Variants in ATP2C2 observed in about 807,000 individuals in gnomAD.
ATP2C2 encodes the protein ATPase secretory pathway Ca2+ transporting 2.
A neutral mutation model predicts 110.8 loss-of-function variants in ATP2C2; 171 were observed. That is an observed-to-expected ratio of 1.54 (90% CI 1.36 to 1.75). The LOEUF is 1.75. Among genes scored for constraint, ATP2C2 ranks in the 40% most tolerant of loss-of-function variants. The pLI, the probability that ATP2C2 is intolerant of heterozygous loss-of-function variation, is 0.00. For missense variants in ATP2C2, 1,963 were observed against 1,235.0 expected, an observed-to-expected ratio of 1.59 and a Z score of -8.84; for synonymous variants, 804 against 508.4, an observed-to-expected ratio of 1.58 and a Z score of -7.82.
chr16:84,441,230 C>G lies in ATP2C2; in HGVS notation c.1311+272C>G, dbSNP rs247900. 4.9e-4 allele frequency among the ~76,000 whole-genome samples: 74 copies of G among 152,006 alleles called. No individual in the cohort carries two copies. The East Asian group carries it at 0.013, about 27-fold the overall frequency. ...GGAGAATCACTTGAGGCCAGGAGTT[C>G]GAGACCAGCCTGAGCAACGTAGTGA... On this transcript the variant is annotated intron_variant, in intron 14 of 26. Transcript: ENST00000262429.
chr16:84,412,487 T>C (rs1597789803), intron 6 of ATP2C2, among the ~76,000 whole-genome samples: 1 of 104,900 alleles, frequency 9.5e-6, no homozygotes, highest in Admixed American at 9.2e-5. Context: ...CATGTGTATG[T>C]GTGCATGTGT....
At chr16:84,414,450 C>A (rs1456704670) in intron 6 of ATP2C2, among the ~76,000 whole-genome samples, 1 of 152,110 alleles carries the variant, frequency 6.6e-6, no homozygotes, top group Non-Finnish European at 1.5e-5. Flanking sequence ...ACGCAAAGGC[C>A]CTATAGAAGA....
intron 17 of ATP2C2, among the ~76,000 whole-genome samples, chr16:84,449,053 C>G (rs1330018292): frequency 6.6e-6 from 1 of 152,208 alleles, no homozygotes; most frequent in Non-Finnish European, 1.5e-5. Context: ...TATTTTTTCC[C>G]TTAGCCATTT....
chr16:84,452,496 AC>A (rs1210135839), intron 18 of ATP2C2, among the ~76,000 whole-genome samples: 1 of 66,494 alleles, frequency 1.5e-5, no homozygotes, highest in Non-Finnish European at 2.9e-5. Context: ...TCCTCTAGTT[AC>A]TTTTTTTTTT....
In ATP2C2 at chr16:84,451,953, C is replaced by T. The variant is rs184008317; in HGVS notation, c.1693C>T (p.Arg565Trp). The change falls in exon 18 of 27, where the codon CGG becomes TGG. Residue 565 changes from arginine to tryptophan, a missense_variant. By Grantham distance (101) the Arg-to-Trp change is moderately radical. Coordinates refer to ENST00000262429, the MANE Select transcript of ATP2C2 (RefSeq NM_014861.4). ...LALASGPELG[R>W]LTFLGLVGII... ...CCTGGCTTCTGGGCCCGAGCTGGGGCGGCTGACGTTTCTCGGTCTTGTGGG... is the reference window on the plus strand; with the variant it reads ...CCTGGCTTCTGGGCCCGAGCTGGGGTGGCTGACGTTTCTCGGTCTTGTGGG... 55 of 1,613,908 alleles carry T rather than the reference C, an allele frequency of 3.4e-5. No homozygotes were observed. Among genetic ancestry groups the T allele is most frequent in the Admixed American group, 6.7e-5 (4 of 59,998 alleles).
At chr16:84,373,938 G>T (rs1315260494) in intron 1 of ATP2C2, among the ~76,000 whole-genome samples, 1 of 152,164 alleles carries the variant, frequency 6.6e-6, no homozygotes, top group East Asian at 1.9e-4. Context: ...GACTTTGTTT[G>T]CTAGTTTAGG....
intron 17 of ATP2C2, among the ~76,000 whole-genome samples, chr16:84,449,451 C>T (rs1318017540): frequency 6.6e-6 from 1 of 152,224 alleles, no homozygotes; most frequent in Non-Finnish European, 1.5e-5. Flanking sequence ...GCTGGGTCTA[C>T]AATAGGCTTA....
At position 84,422,681 on chromosome 16, in the gene ATP2C2, T is replaced by C. The variant is rs370116017; in HGVS notation, c.827T>C (p.Met276Thr). 7.4e-6 allele frequency: 12 copies of C among 1,612,868 alleles called. No individual in the cohort carries two copies. The African/African-American group carries it at 1.6e-4, about 22-fold the overall frequency. ...TCTCAGTTCGGAGAAGTGTTTAAGA[T>C]GATGCAGGCTGAAGAGGTAAGGGGC... Reference protein sequence around the residue: ...ESSQFGEVFKMMQAEETPKTP... With the variant: ...ESSQFGEVFKTMQAEETPKTP... The change falls in exon 9 of 27, where the codon ATG (methionine) becomes ACG (threonine). Residue 276 changes from methionine to threonine, a missense_variant. Physicochemically the swap from Met to Thr is moderately conservative, Grantham distance 81 (BLOSUM62 -1). Transcript: ENST00000262429.
At position 84,439,425 on chromosome 16, in the gene ATP2C2, A is replaced by C. The variant is rs1431507583; in HGVS notation, c.1112-2A>C. On this transcript the variant is annotated splice_acceptor_variant, in intron 12 of 26. Coordinates refer to ENST00000262429, the MANE Select transcript of ATP2C2 (RefSeq NM_014861.4). LOFTEE classifies it high-confidence loss of function. ...TCTATAAACTGGTGTTTGTTGTACC[A>C]GGTTGCTGCAGCGTTCTCTGTTCTG... 6.2e-7 allele frequency: 1 copy of C among 1,614,084 alleles called. No individual in the cohort carries two copies.
intron 1 of ATP2C2, among the ~76,000 whole-genome samples, chr16:84,375,540 C>A (rs1188871474): frequency 3.7e-3 from 478 of 130,490 alleles, no homozygotes; most frequent in South Asian, 4.8e-3. Context: ...GACTCTGTCT[C>A]AAAAAAAAAA....
Position 84,410,604 on chromosome 16 carries a change from G to A in ATP2C2, c.453+1G>A, listed in dbSNP as rs767731661. ...CGTGGTCACTGTCGCCTTCATCCAG[G>A]TGAGTATTTCCTGAGGTCCCAGTCA... is the stretch of plus-strand genomic sequence containing the variant. On this transcript the variant is annotated splice_donor_variant, in intron 5 of 26. Coordinates refer to ENST00000262429, the MANE Select transcript of ATP2C2 (RefSeq NM_014861.4). LOFTEE classifies it high-confidence loss of function. 57 of 1,614,022 alleles carry A rather than the reference G, an allele frequency of 3.5e-5. No homozygotes were observed. Among genetic ancestry groups the A allele is most frequent in the South Asian group, 7.7e-5 (7 of 91,076 alleles).
At chr16:84,441,496 G>C (rs1257551416) in intron 14 of ATP2C2, among the ~76,000 whole-genome samples, 1 of 152,088 alleles carries the variant, frequency 6.6e-6, no homozygotes, top group African/African-American at 2.4e-5. Context: ...CTTTCACAGG[G>C]GCTCCCTCCT....
intron 11 of ATP2C2, 54 bp downstream of exon 11, chr16:84,425,855 G>A (rs1907766910): frequency 1.9e-6 from 3 of 1,580,468 alleles, no homozygotes; most frequent in Middle Eastern, 1.7e-4. Context: ...TGGGCTCTGA[G>A]CCCTTCCCTG....
Position 84,420,987 on chromosome 16 carries a change from G to C in ATP2C2, c.625-1403G>C, listed in dbSNP as rs559399923. ...TACCCGGCTAATTCTTGTATTTTTA[G>C]TAGAGACAGGGTTTCACTGTGTTGG... is the stretch of plus-strand genomic sequence containing the variant. On this transcript the variant is annotated intron_variant, in intron 7 of 26. Transcript: ENST00000262429. Among the ~76,000 whole-genome samples the C allele has an allele frequency of 4.8e-3, 737 of 152,178 alleles. 6 individuals carry two copies. Among genetic ancestry groups the C allele is most frequent in the African/African-American group, 0.017 (708 of 41,494 alleles).
rs188412503 is a variant in ATP2C2 at position 84,460,261 on chromosome 16, G to T, written c.2334-393G>T. The stretch of plus-strand genomic sequence containing the variant: ...GGGTCTAGCCTCAACCCTGCTGTGT[G>T]GAGTTGGCTGGAGGCTGGTCTCTCT... On this transcript the variant is annotated intron_variant, in intron 23 of 26. Transcript: ENST00000262429. 1,260 of 292,420 alleles carry T rather than the reference G, an allele frequency of 4.3e-3. 17 individuals carry two copies. The highest frequency in any genetic ancestry group is 0.026 in the African/African-American group (1,175 of 45,900). The allele number at this position is 292,420 out of a possible 1,614,324, so 18.1% of individuals were successfully genotyped here. A position where few individuals can be genotyped will look rare whatever the true frequency, so the allele number is the denominator to read the frequency against.
intron 21 of ATP2C2, among the ~76,000 whole-genome samples, chr16:84,458,364 AGGG>A (rs1910889984): frequency 1.4e-5 from 1 of 71,326 alleles, no homozygotes; most frequent in Admixed American, 1.5e-4. Flanking sequence ...GGAGGGGGGG[AGGG>A]ATAGCATCGG....
chr16:84,428,963 T>C (rs1908022686), intron 11 of ATP2C2, among the ~76,000 whole-genome samples: 1 of 152,152 alleles, frequency 6.6e-6, no homozygotes, highest in Non-Finnish European at 1.5e-5. Context: ...GCAGCCCTTT[T>C]TCCCTGAATA....
intron 15 of ATP2C2, among the ~76,000 whole-genome samples, chr16:84,445,390 A>G (rs1909654820): frequency 6.6e-6 from 1 of 151,878 alleles, no homozygotes; most frequent in Non-Finnish European, 1.5e-5. Context: ...TTGTATTTTT[A>G]GTAGAGACAG....
In ATP2C2 at chr16:84,460,770, T is replaced by G. The variant is rs1911239028; in HGVS notation, c.2450T>G (p.Ile817Ser). The stretch of plus-strand genomic sequence containing the variant: ...ATCCTCATGTCCGCGGCCATCATCA[T>G]CAGCGGGACCCTCTTTATCTTCTGG... The part of the protein sequence containing the change: ...LKILMSAAII[I>S]SGTLFIFWKE... Residue 817 changes from isoleucine (I) to serine (S), a missense_variant, in exon 24 of 27, where the codon ATC (isoleucine) becomes AGC (serine). Coordinates refer to ENST00000262429, the MANE Select transcript of ATP2C2 (RefSeq NM_014861.4). 6.2e-7 allele frequency: 1 copy of G among 1,613,960 alleles called. No individual in the cohort carries two copies. The highest frequency in any genetic ancestry group is 1.3e-5 in the African/African-American group (1 of 75,032).
Sources: gnomAD v4.1 joint callset for allele counts (sites outside exome capture counted in the v4.1 genomes callset) on GRCh38, gnomAD v4.1.1 for gene constraint, MANE v1.5 for transcripts, NCBI Gene and HGNC (gene_info 2026-07-23, HGNC 2026-07-21) for gene names.